The following TMEM178B variants were observed in gnomAD, a reference collection of about 807,000 sequenced individuals.
The protein encoded by TMEM178B is transmembrane protein 178B.
A neutral mutation model predicts 31.0 loss-of-function variants in TMEM178B; 5 were observed. The ratio of observed to expected loss-of-function variants is 0.16; its 90% CI spans 0.08 to 0.34. The LOEUF (loss-of-function observed/expected upper bound fraction) is 0.34. TMEM178B is among the 10% of genes least tolerant of loss of function. TMEM178B has a pLI of 1.00. For missense variants in TMEM178B, 275 were observed against 400.3 expected, an observed-to-expected ratio of 0.69 and a Z score of 2.67; for synonymous variants, 164 against 164.0, an observed-to-expected ratio of 1.00 and a Z score of 0.00.
intron 2 of TMEM178B, among the ~76,000 whole-genome samples, chr7:141,242,733 G>C (rs1797647125): frequency 6.6e-6 from 1 of 151,912 alleles, no homozygotes; most frequent in Non-Finnish European, 1.5e-5. Context: ...AGTAGAGACA[G>C]AGTTTCACCA....
At chr7:141,122,064 G>T (rs1037664276) in intron 1 of TMEM178B, among the ~76,000 whole-genome samples, 1 of 152,150 alleles carries the variant, frequency 6.6e-6, no homozygotes, top group African/African-American at 2.4e-5. Flanking sequence ...TATTGGATTT[G>T]CTCTGTCCAA....
Position 141,470,695 on chromosome 7 carries a change from C to T in TMEM178B, c.794C>T (p.Ser265Leu). The part of the protein sequence containing the change: ...AWGGLGLTLI[S>L]GFFCTLAPSV... ...GGGGGCCTGGGCCTCACACTCATCT[C>T]GGGATTCTTCTGTACCTTAGCCCCT... is the stretch of plus-strand genomic sequence containing the variant. Residue 265 changes from serine (S) to leucine (L), a missense_variant, in exon 4 of 4, where the codon TCG (serine) becomes TTG (leucine). Physicochemically the swap from Ser to Leu is moderately radical, Grantham distance 145. Transcript: ENST00000565468. The T allele has an allele frequency of 2.0e-6, 3 of 1,535,728 alleles. No homozygotes were observed. Among genetic ancestry groups the T allele is most frequent in the Non-Finnish European group, 2.6e-6 (3 of 1,146,834 alleles).
chr7:141,489,787 G>A, the TMEM178B span, among the ~76,000 whole-genome samples: 1 of 152,108 alleles, frequency 6.6e-6, no homozygotes, highest in South Asian at 2.1e-4. Context: ...ATTAGATGAG[G>A]GCTCAAGATT....
intron 2 of TMEM178B, among the ~76,000 whole-genome samples, chr7:141,242,798 C>T (rs1379637717): frequency 2.6e-5 from 4 of 152,102 alleles, no homozygotes; most frequent in Non-Finnish European, 4.4e-5. Flanking sequence ...TCACCTCTGC[C>T]TCCCAGAGTG....
At chr7:141,291,757 T>G (rs1798550003) in intron 2 of TMEM178B, among the ~76,000 whole-genome samples, 1 of 152,092 alleles carries the variant, frequency 6.6e-6, no homozygotes, top group Non-Finnish European at 1.5e-5. Context: ...CTTCCTCTTT[T>G]GGAGTGCAGA....
At chr7:141,201,906 A>T (rs948768378) in intron 1 of TMEM178B, among the ~76,000 whole-genome samples, 1 of 152,206 alleles carries the variant, frequency 6.6e-6, no homozygotes, top group Non-Finnish European at 1.5e-5. Context: ...ACCTTGGAAG[A>T]TCTCCTGCTT....
chr7:141,201,969 G>A (rs1351591663), intron 1 of TMEM178B, among the ~76,000 whole-genome samples: 2 of 152,148 alleles, frequency 1.3e-5, no homozygotes, highest in African/African-American at 4.8e-5. Context: ...TGTGGCAGGC[G>A]TACTTAAGAG....
intron 1 of TMEM178B, among the ~76,000 whole-genome samples, chr7:141,095,675 A>T (rs1424240179): frequency 6.6e-6 from 1 of 152,116 alleles, no homozygotes; most frequent in African/African-American, 2.4e-5. Flanking sequence ...ATTTTCACCA[A>T]TCAAACCCTG....
At chr7:141,484,378 C>T (rs985059442), downstream of TMEM178B, among the ~76,000 whole-genome samples, 14 of 152,214 alleles carry the variant, frequency 9.2e-5, no homozygotes, top group South Asian at 2.1e-4. The surrounding 1 kb of genome is among the most constrained non-coding windows in gnomAD (Gnocchi z 4.8). Context: ...CCAGGAGCAT[C>T]GGTATCACTT....
intron 2 of TMEM178B, among the ~76,000 whole-genome samples, chr7:141,346,639 C>T (rs1184000485): frequency 6.6e-6 from 1 of 152,120 alleles, no homozygotes; most frequent in Non-Finnish European, 1.5e-5. Flanking sequence ...TACACAGACA[C>T]ACACCTCTAA....
At chr7:141,144,433 A>C (rs1435334745) in intron 1 of TMEM178B, among the ~76,000 whole-genome samples, 1 of 152,224 alleles carries the variant, frequency 6.6e-6, no homozygotes, top group African/African-American at 2.4e-5. Flanking sequence ...AAGAAGTACA[A>C]ATAGAGGCTC....
chr7:141,097,762 C>T (rs1794988248), intron 1 of TMEM178B, among the ~76,000 whole-genome samples: 1 of 149,870 alleles, frequency 6.7e-6, no homozygotes, highest in Non-Finnish European at 1.5e-5. Flanking sequence ...AATCGCCATT[C>T]GCTTTATGTT....
the TMEM178B span, among the ~76,000 whole-genome samples, chr7:141,509,153 G>A: frequency 5.9e-5 from 9 of 152,130 alleles, no homozygotes; most frequent in African/African-American, 2.2e-4. Flanking sequence ...ATTGAGCATG[G>A]GAGAGAGGGA....
chr7:141,141,159 T>G (rs1347459602), intron 1 of TMEM178B, among the ~76,000 whole-genome samples: 1 of 152,240 alleles, frequency 6.6e-6, no homozygotes, highest in East Asian at 1.9e-4. Context: ...CTCATGAATA[T>G]TTATTTTACA....
At chr7:141,383,377 C>T (rs891976789) in intron 2 of TMEM178B, among the ~76,000 whole-genome samples, 25 of 145,052 alleles carry the variant, frequency 1.7e-4, no homozygotes, top group Non-Finnish European at 2.7e-4. Context: ...CCTCCCTCCA[C>T]CCCACAACAG....
At chr7:141,176,403 A>T (rs748304644) in intron 1 of TMEM178B, among the ~76,000 whole-genome samples, 1 of 152,096 alleles carries the variant, frequency 6.6e-6, no homozygotes, top group Non-Finnish European at 1.5e-5. Flanking sequence ...CATCAGGGCT[A>T]TTGGCCTGAA....
At chr7:141,195,739 AAAGACATACCC>A (rs1796772080) in intron 1 of TMEM178B, among the ~76,000 whole-genome samples, 1 of 152,230 alleles carries the variant, frequency 6.6e-6, no homozygotes, top group African/African-American at 2.4e-5. Context: ...CACTGCTGAT[AAAGACATACCC>A]AAGACTGGGA....
chr7:141,275,594 G>A (rs1304705776), intron 2 of TMEM178B, among the ~76,000 whole-genome samples: 2 of 152,192 alleles, frequency 1.3e-5, no homozygotes, highest in Non-Finnish European at 2.9e-5. Flanking sequence ...TTCACTGAAG[G>A]ATTGTTAGTA....
the TMEM178B span, among the ~76,000 whole-genome samples, chr7:141,489,093 G>A: frequency 2.0e-5 from 3 of 152,108 alleles, no homozygotes; most frequent in Non-Finnish European, 4.4e-5. Flanking sequence ...AAATATTTGT[G>A]ATCATGTCGA....
Sources: allele counts gnomAD v4.1 joint callset (sites outside exome capture counted in the v4.1 genomes callset), GRCh38; gene constraint gnomAD v4.1.1; non-coding constraint Gnocchi (gnomAD v3.1); transcripts MANE v1.5; gene names NCBI Gene and HGNC (gene_info 2026-07-23, HGNC 2026-07-21).